Variants in ADARB2 observed in about 807,000 individuals in gnomAD.
ADARB2 encodes adenosine deaminase RNA specific B2 (inactive).
A neutral mutation model predicts 62.2 loss-of-function variants in ADARB2; 25 were observed. The observed-to-expected ratio is 0.40, with a 90% CI of 0.29 to 0.56. ADARB2 has a LOEUF of 0.56. ADARB2 is among the 20% of genes least tolerant of loss of function. ADARB2 has a pLI of 0.43. For missense variants in ADARB2, 1,071 were observed against 1,077.4 expected, an observed-to-expected ratio of 0.99 and a Z score of 0.08; for synonymous variants, 572 against 500.8, an observed-to-expected ratio of 1.14 and a Z score of -1.90.
chr10:1,336,045 T>C (rs1831972797), intron 3 of ADARB2, among the ~76,000 whole-genome samples: 1 of 152,238 alleles, frequency 6.6e-6, no homozygotes, highest in Non-Finnish European at 1.5e-5. Context: ...GGTTGTAGAA[T>C]GCAGTGATTT....
At chr10:1,225,175 C>G (rs1262229839) in intron 6 of ADARB2, among the ~76,000 whole-genome samples, 2 of 152,092 alleles carry the variant, frequency 1.3e-5, no homozygotes, top group Admixed American at 1.3e-4. Context: ...ATGTAATGGC[C>G]TTCTTTGTCT....
intron 3 of ADARB2, among the ~76,000 whole-genome samples, chr10:1,305,838 G>A (rs1487718246): frequency 1.3e-5 from 2 of 151,954 alleles, no homozygotes; most frequent in African/African-American, 2.4e-5. Context: ...AAAGGCCTTT[G>A]ACAAAATTCA....
rs1589174846 is a variant in ADARB2 at position 1,276,878 on chromosome 10, T to C, written c.1078-5809A>G. On this transcript the variant is annotated intron_variant, in intron 3 of 9. Transcript: ENST00000381312. ...GAAGTAAAGCACTCCTCAGCAAATG[T>C]AAAAGAACAGAAGTTATAACAAACT... 2.0e-5 allele frequency among the ~76,000 whole-genome samples: 3 copies of C among 152,324 alleles called. No individual in the cohort carries two copies. The East Asian group carries it at 5.8e-4, about 29-fold the overall frequency.
intron 3 of ADARB2, among the ~76,000 whole-genome samples, chr10:1,298,126 C>T (rs777888077): frequency 1.3e-5 from 2 of 152,214 alleles, no homozygotes; most frequent in African/African-American, 2.4e-5. Flanking sequence ...GAAACACACA[C>T]ATTGTCTCCA....
At chr10:1,671,946 A>G (rs1834390161) in intron 1 of ADARB2, among the ~76,000 whole-genome samples, 1 of 152,074 alleles carries the variant, frequency 6.6e-6, no homozygotes, top group Non-Finnish European at 1.5e-5. Context: ...TCTTTCGGCA[A>G]CATACTTGCT....
chr10:1,717,692 C>T (rs1235460337), intron 1 of ADARB2, among the ~76,000 whole-genome samples: 1 of 152,012 alleles, frequency 6.6e-6, no homozygotes, highest in Non-Finnish European at 1.5e-5. Context: ...ATTCTCCCGC[C>T]CCAGACTCCC....
At chr10:1,224,707 T>C (rs1343339173) in intron 6 of ADARB2, among the ~76,000 whole-genome samples, 1 of 152,218 alleles carries the variant, frequency 6.6e-6, no homozygotes, top group Non-Finnish European at 1.5e-5. Context: ...CAGGAGCAGG[T>C]TGTTCAGTTT....
At chr10:1,713,877 A>G (rs1249015648) in intron 1 of ADARB2, among the ~76,000 whole-genome samples, 1 of 152,216 alleles carries the variant, frequency 6.6e-6, no homozygotes, top group Non-Finnish European at 1.5e-5. Flanking sequence ...ACATAAAATG[A>G]TATCTGCCAT....
chr10:1,261,981 T>C (rs1047164405), intron 4 of ADARB2, among the ~76,000 whole-genome samples: 3 of 148,526 alleles, frequency 2.0e-5, no homozygotes, highest in African/African-American at 5.2e-5. Flanking sequence ...GATGAGTTCA[T>C]GTCCTTTGTA....
At chr10:1,692,118 G>T (rs866299826) in intron 1 of ADARB2, among the ~76,000 whole-genome samples, 1 of 152,198 alleles carries the variant, frequency 6.6e-6, no homozygotes, top group Non-Finnish European at 1.5e-5. Context: ...TAGTAAAACT[G>T]CAGTGAACAT....
chr10:1,444,609 C>T (rs1208208085), intron 1 of ADARB2, among the ~76,000 whole-genome samples: 2 of 150,098 alleles, frequency 1.3e-5, no homozygotes, highest in Non-Finnish European at 3.0e-5. Context: ...TATCTACCTC[C>T]ATTCTCCCAT....
intron 1 of ADARB2, among the ~76,000 whole-genome samples, chr10:1,732,791 C>T (rs1564207479): frequency 6.6e-6 from 1 of 152,188 alleles, no homozygotes; most frequent in East Asian, 1.9e-4. Context: ...TCAGCACAAT[C>T]TTTCTATTTC....
At chr10:1,429,151 G>A (rs1477952861) in intron 1 of ADARB2, among the ~76,000 whole-genome samples, 7 of 152,218 alleles carry the variant, frequency 4.6e-5, no homozygotes, top group Non-Finnish European at 1.0e-4. Flanking sequence ...CGGGTATGAG[G>A]TATGTGGGCA....
At chr10:1,608,316 G>A (rs1358233152) in intron 1 of ADARB2, among the ~76,000 whole-genome samples, 1 of 152,200 alleles carries the variant, frequency 6.6e-6, no homozygotes, top group African/African-American at 2.4e-5. Context: ...TGGAGACGCA[G>A]CGTGCCTGTG....
At chr10:1,339,029 T>C (rs6560724) in intron 3 of ADARB2, among the ~76,000 whole-genome samples, 71,555 of 152,042 alleles carry the variant, frequency 0.47, 17,608 homozygotes, top group African/African-American at 0.63. Flanking sequence ...AGGCTTTCCT[T>C]ATTTTGGTTG....
intron 1 of ADARB2, among the ~76,000 whole-genome samples, chr10:1,668,857 G>A (rs1362365278): frequency 6.6e-6 from 1 of 152,208 alleles, no homozygotes; most frequent in Non-Finnish European, 1.5e-5. Flanking sequence ...GGCTGCTTCT[G>A]TTACATCCAG....
intron 1 of ADARB2, among the ~76,000 whole-genome samples, chr10:1,423,537 TG>T (rs1474908702): frequency 6.6e-6 from 1 of 152,210 alleles, no homozygotes; most frequent in African/African-American, 2.4e-5. Flanking sequence ...TAGTTGTCTT[TG>T]CTACCTTCCT....
At position 1,200,057 on chromosome 10, in the gene ADARB2, G is replaced by T. The variant is rs745793654; in HGVS notation, c.1773C>A (p.His591Gln). 1.3e-6 allele frequency: 2 copies of T among 1,592,748 alleles called. No individual in the cohort carries two copies. The highest frequency in any genetic ancestry group is 1.7e-6 in the Non-Finnish European group (2 of 1,173,098). ...LQSIVVGSLH[H>Q]TGHLARVMSH... ...TCATGACGCGTGCGAGGTGGCCCGT[G>T]TGGTGCAGGCTGCCCACCACGATGC... is the stretch of plus-strand genomic sequence containing the variant. The change falls in exon 8 of 10, where the codon CAC (histidine) becomes CAA (glutamine). Residue 591 changes from histidine to glutamine, a missense_variant. By Grantham distance (24) the His-to-Gln change is conservative. Coordinates refer to ENST00000381312, the MANE Select transcript of ADARB2 (RefSeq NM_018702.4).
intron 1 of ADARB2, among the ~76,000 whole-genome samples, chr10:1,514,785 A>G (rs1831988336): frequency 6.6e-6 from 1 of 152,226 alleles, no homozygotes; most frequent in African/African-American, 2.4e-5. Context: ...TGTTGTGAGA[A>G]CAAGAAATCC....
Sources: gnomAD v4.1 joint callset for allele counts (sites outside exome capture counted in the v4.1 genomes callset) on GRCh38, gnomAD v4.1.1 for gene constraint, MANE v1.5 for transcripts, NCBI Gene and HGNC (gene_info 2026-07-23, HGNC 2026-07-21) for gene names.